TMTC1: variants seen among roughly 807,000 people sequenced by gnomAD.
TMTC1 encodes the protein protein O-mannosyl-transferase TMTC1.
In TMTC1, 73 loss-of-function variants were observed where a neutral mutation model predicts 104.8. The observed-to-expected ratio is 0.70, with a 90% CI of 0.58 to 0.85. The LOEUF is 0.85. Ranked by LOEUF, TMTC1 falls within the 40% of genes least tolerant of loss-of-function variation. TMTC1 has a pLI of 0.00. For synonymous variants in TMTC1, 434 were observed against 428.7 expected (o/e 1.01, Z -0.15); for missense variants, 1,035 against 1,096.1 (o/e 0.94, Z 0.79).
chr12:29,777,329 G>A (rs899651017), intron 1 of TMTC1, among the ~76,000 whole-genome samples: 2 of 152,050 alleles, frequency 1.3e-5, no homozygotes, highest in Non-Finnish European at 2.9e-5. Flanking sequence ...TCTTGACTTA[G>A]TGATCCGCCC....
chr12:29,633,049 T>G, intron 6 of TMTC1, 98 bp downstream of exon 6: 1 of 1,138,770 alleles, frequency 8.8e-7, no homozygotes, highest in Non-Finnish European at 1.2e-6. Context: ...GGAGAGGAGA[T>G]TCAATTTACA....
At chr12:29,694,139 G>A (rs945315215) in intron 5 of TMTC1, among the ~76,000 whole-genome samples, 3 of 150,450 alleles carry the variant, frequency 2.0e-5, no homozygotes, top group Admixed American at 6.6e-5. Context: ...TCTACATACC[G>A]TCCTTAACAA....
chr12:29,585,811 T>C (rs1946117986), intron 7 of TMTC1, among the ~76,000 whole-genome samples: 1 of 152,226 alleles, frequency 6.6e-6, no homozygotes, highest in South Asian at 2.1e-4. Flanking sequence ...TCTGTTTTGG[T>C]ACCAGTACAA....
At chr12:29,620,229 C>T (rs1403422656) in intron 6 of TMTC1, among the ~76,000 whole-genome samples, 1 of 152,294 alleles carries the variant, frequency 6.6e-6, no homozygotes, top group East Asian at 1.9e-4. Context: ...GGTCCAACCA[C>T]AGTTGGTGCA....
intron 5 of TMTC1, among the ~76,000 whole-genome samples, chr12:29,734,604 T>A (rs1360896139): frequency 2.0e-5 from 3 of 152,228 alleles, no homozygotes; most frequent in Non-Finnish European, 2.9e-5. Context: ...ATCATATTTT[T>A]AAAATACCTG....
chr12:29,678,488 T>C (rs1161485919), intron 5 of TMTC1, among the ~76,000 whole-genome samples: 2 of 152,162 alleles, frequency 1.3e-5, no homozygotes, highest in Admixed American at 6.5e-5. Context: ...CATGGTGACC[T>C]CCAGCCATTG....
chr12:29,679,060 G>A (rs1463553289), intron 5 of TMTC1, among the ~76,000 whole-genome samples: 1 of 152,090 alleles, frequency 6.6e-6, no homozygotes, highest in Non-Finnish European at 1.5e-5. Context: ...TAATATAGGT[G>A]AATAGCTAAA....
rs1303896563 is a variant in TMTC1 at position 29,644,137 on chromosome 12, GTGTGTGTGTGTGTATA to G, written c.939-10817_939-10802del. Among the ~76,000 whole-genome samples, 128 of 102,114 alleles carry G rather than the reference GTGTGTGTGTGTGTATA, an allele frequency of 1.3e-3. 7 individuals carry two copies. The highest frequency in any genetic ancestry group is 4.9e-3 in the African/African-American group (124 of 25,412). 67.0% of individuals were successfully genotyped at this position (102,114 alleles called of 152,430 possible). A position where few individuals can be genotyped will look rare whatever the true frequency, so the allele number is the denominator to read the frequency against. ...TGTGTGTGTGTGTGTGTGTGTGTGTGTGTGTGTGTGTGTATATATATATATAATGAAATACTAAACA... is the reference window on the plus strand; with the variant it reads ...TGTGTGTGTGTGTGTGTGTGTGTGTGTATATATATAATGAAATACTAAACA... On this transcript the variant is annotated intron_variant, in intron 5 of 17. Transcript: ENST00000539277.
intron 5 of TMTC1, among the ~76,000 whole-genome samples, chr12:29,638,730 C>G (rs1333907601): frequency 2.0e-5 from 3 of 152,126 alleles, no homozygotes; most frequent in Non-Finnish European, 4.4e-5. Flanking sequence ...CTGCATGCTT[C>G]GGCTAAGGGT....
intron 5 of TMTC1, among the ~76,000 whole-genome samples, chr12:29,676,622 A>C (rs1323118562): frequency 6.6e-6 from 1 of 152,202 alleles, no homozygotes; most frequent in Non-Finnish European, 1.5e-5. Flanking sequence ...CTCTGCCTTC[A>C]AACGAAAGGT....
chr12:29,600,077 G>GGTCA lies in TMTC1; in HGVS notation c.1250+4097_1250+4100dup, dbSNP rs149232600. Among the ~76,000 whole-genome samples, 978 of 144,666 alleles carry GGTCA rather than the reference G, an allele frequency of 6.8e-3. 28 individuals carry two copies. The highest frequency in any genetic ancestry group is 0.056 in the East Asian group (275 of 4,952). 94.9% of individuals were successfully genotyped at this position (144,666 alleles called of 152,430 possible). On this transcript the variant is annotated intron_variant, in intron 7 of 17. Transcript: ENST00000539277. ...GTGGAAAATGGCTGTTTCTTGTCAA[G>GGTCA]GTCAGGATGGAAGGAGATTCATGAA...
intron 5 of TMTC1, among the ~76,000 whole-genome samples, chr12:29,745,375 C>T (rs142163649): frequency 0.01 from 1,540 of 152,152 alleles, 33 homozygotes; most frequent in African/African-American, 0.034. Context: ...TTAATTCCAG[C>T]ACTTTGGGAG....
intron 7 of TMTC1, among the ~76,000 whole-genome samples, chr12:29,586,395 A>G (rs1946134821): frequency 6.6e-6 from 1 of 152,126 alleles, no homozygotes; most frequent in Non-Finnish European, 1.5e-5. Flanking sequence ...GGACAATTTG[A>G]CTTCCTCTTT....
intron 5 of TMTC1, among the ~76,000 whole-genome samples, chr12:29,741,108 T>C (rs1004937947): frequency 6.6e-6 from 1 of 152,236 alleles, no homozygotes; most frequent in East Asian, 1.9e-4. Flanking sequence ...TACTACATTA[T>C]GATTATTGAA....
intron 6 of TMTC1, among the ~76,000 whole-genome samples, chr12:29,630,967 G>T (rs1190707887): frequency 1.3e-5 from 2 of 152,160 alleles, no homozygotes; most frequent in African/African-American, 2.4e-5. Flanking sequence ...GAGTATAATG[G>T]TATCTCTTTG....
intron 6 of TMTC1, 151 bp downstream of exon 6, chr12:29,632,996 C>G: frequency 3.7e-6 from 2 of 543,038 alleles, no homozygotes; most frequent in Non-Finnish European, 6.1e-6. Flanking sequence ...TATAAGGTGG[C>G]CATGGTATGT....
At chr12:29,600,495 A>G (rs1946535399) in intron 7 of TMTC1, among the ~76,000 whole-genome samples, 1 of 152,222 alleles carries the variant, frequency 6.6e-6, no homozygotes. Flanking sequence ...GCACAATTCT[A>G]TATACCAGTG....
chr12:29,624,580 T>C (rs1257191493), intron 6 of TMTC1, among the ~76,000 whole-genome samples: 1 of 152,180 alleles, frequency 6.6e-6, no homozygotes, highest in East Asian at 1.9e-4. Flanking sequence ...CTTTCCTGCC[T>C]CAGGGACTTG....
Position 29,518,539 on chromosome 12 carries a change from T to C in TMTC1, c.1957A>G (p.Met653Val). Reference sequence around the variant, plus strand: ...CTGTAGAGTCTTCCCAAGTTCACCATGGCCACGTGATGACTGGGGCTAAGT... The same window carrying C: ...CTGTAGAGTCTTCCCAAGTTCACCACGGCCACGTGATGACTGGGGCTAAGT... The part of the protein sequence containing the change: ...IKLSPSHHVA[M>V]VNLGRLYRSL... Residue 653 changes from methionine (M) to valine (V), a missense_variant, in exon 13 of 18, where the codon ATG becomes GTG. Coordinates refer to ENST00000539277, the MANE Select transcript of TMTC1 (RefSeq NM_001193451.2). The C allele has an allele frequency of 2.5e-6, 4 of 1,614,184 alleles. No individual in the cohort carries two copies. The highest frequency in any genetic ancestry group is 3.4e-6 in the Non-Finnish European group (4 of 1,179,996).
Sources: allele counts gnomAD v4.1 joint callset (sites outside exome capture counted in the v4.1 genomes callset), GRCh38; gene constraint gnomAD v4.1.1; transcripts MANE v1.5; gene names NCBI Gene and HGNC (gene_info 2026-07-23, HGNC 2026-07-21).